Variants in CD58 observed in about 807,000 individuals in gnomAD.
The protein encoded by CD58 is CD58 molecule.
In CD58, 14 loss-of-function variants were observed where a neutral mutation model predicts 27.6. That is an observed-to-expected ratio of 0.51 (90% CI 0.34 to 0.79). The LOEUF (loss-of-function observed/expected upper bound fraction) is 0.79. CD58 is among the 30% of genes least tolerant of loss of function. The pLI is 0.02. For synonymous variants in CD58, 117 were observed against 103.8 expected (o/e 1.13, Z -0.77); for missense variants, 268 against 301.7 (o/e 0.89, Z 0.83).
At chr1:116,526,640 G>A (rs1486602023) in intron 3 of CD58, among the ~76,000 whole-genome samples, 1 of 152,018 alleles carries the variant, frequency 6.6e-6, no homozygotes, top group Admixed American at 6.6e-5. Context: ...CTACAATTTT[G>A]TTCTCCTTCA....
chr1:116,555,497 C>T lies in CD58; in HGVS notation c.71-10893G>A, dbSNP rs1268469318. Among the ~76,000 whole-genome samples the T allele has an allele frequency of 5.3e-5, 8 of 152,090 alleles. No homozygotes were observed. The South Asian group carries it at 8.3e-4, about 16-fold the overall frequency. ...GGAGGGAAAAAATTTTATCAGTGAT[C>T]GCCTAAAAAGATTTTCTATGCTAGC... On this transcript the variant is annotated intron_variant, in intron 1 of 5. Coordinates refer to ENST00000369489, the MANE Select transcript of CD58 (RefSeq NM_001779.3).
In CD58 at chr1:116,532,294, GATAA is replaced by G. The variant is rs1016369535; in HGVS notation, c.628+3667_628+3670del. Among the ~76,000 whole-genome samples, 2 of 152,166 alleles carry G rather than the reference GATAA, an allele frequency of 1.3e-5. No individual in the cohort carries two copies. The highest frequency in any genetic ancestry group is 2.4e-5 in the African/African-American group (1 of 41,428). ...GCCGCAGTCCTCACAGGCAAGAAGG[GATAA>G]ATAAATATGAGGTGACCCGTGGCAG... On this transcript the variant is annotated intron_variant, in intron 3 of 5. Coordinates refer to ENST00000369489, the MANE Select transcript of CD58 (RefSeq NM_001779.3). This position sits in a 1 kb window ranked among gnomAD's most constrained non-coding sequence, Gnocchi z 5.1.
At position 116,533,857 on chromosome 1, in the gene CD58, T is replaced by G. The variant is rs1174686101; in HGVS notation, c.628+2108A>C. Reference sequence around the variant, plus strand: ...TTCTTCATAGAACTTGGCTTCTATATGAGCGCATCTCACCTGAATTTGTTT... The same window carrying G: ...TTCTTCATAGAACTTGGCTTCTATAGGAGCGCATCTCACCTGAATTTGTTT... On this transcript the variant is annotated intron_variant, in intron 3 of 5. Coordinates refer to ENST00000369489, the MANE Select transcript of CD58 (RefSeq NM_001779.3). 3 of 905,204 alleles carry G rather than the reference T, an allele frequency of 3.3e-6. No individual in the cohort carries two copies. In the East Asian group the frequency reaches 7.5e-5, roughly 23 times the overall value. 56.1% of individuals were successfully genotyped at this position (905,204 alleles called of 1,614,324 possible).
Position 116,552,431 on chromosome 1 carries a change from A to C in CD58, c.71-7827T>G, listed in dbSNP as rs1244063499. 6.6e-6 allele frequency among the ~76,000 whole-genome samples: 1 copy of C among 152,272 alleles called. No individual in the cohort carries two copies. Among genetic ancestry groups the C allele is most frequent in the Non-Finnish European group, 1.5e-5 (1 of 68,042 alleles). ...AATTACTAAAATGTAACAGAGAGAC[A>C]AAACATAAAGTTAGGCACTGATGGA... On this transcript the variant is annotated intron_variant, in intron 1 of 5. Coordinates refer to ENST00000369489, the MANE Select transcript of CD58 (RefSeq NM_001779.3). The surrounding 1 kb of genome is among the most constrained non-coding windows in gnomAD (Gnocchi z 4.5).
At position 116,519,267 on chromosome 1, in the gene CD58, C is replaced by T. The variant is rs1470558189; in HGVS notation, c.707G>A (p.Gly236Asp). 7 of 1,610,834 alleles carry T rather than the reference C, an allele frequency of 4.3e-6. No homozygotes were observed. The highest frequency in any genetic ancestry group is 5.9e-6 in the Non-Finnish European group (7 of 1,178,170). Reference sequence around the variant, plus strand: ...TGGTTTTCTGTCACATTTCAGAATACCTAAAAATGAAGAAATTGTCTTCTC... The same window carrying T: ...TGGTTTTCTGTCACATTTCAGAATATCTAAAAATGAAGAAATTGTCTTCTC... ...ITTCIVLYMNGILKCDRKPDR... is the reference protein window; with the variant it reads ...ITTCIVLYMNDILKCDRKPDR... Residue 236 changes from glycine (G) to aspartate (D), a missense_variant and splice_region_variant, in exon 5 of 6, where the codon GGT (glycine) becomes GAT (aspartate). Transcript: ENST00000369489. This position sits in a 1 kb window ranked among gnomAD's most constrained non-coding sequence, Gnocchi z 4.7.
rs871494 is a variant in CD58, at chr1:116,515,430, C to T, written c.744-608G>A. 0.025 allele frequency among the ~76,000 whole-genome samples: 3,824 copies of T among 152,300 alleles called. 158 individuals carry two copies. Among genetic ancestry groups the T allele is most frequent in the African/African-American group, 0.083 (3,467 of 41,560 alleles). On this transcript the variant is annotated intron_variant, in intron 5 of 5. Transcript: ENST00000369489. The surrounding 1 kb of genome is among the most constrained non-coding windows in gnomAD (Gnocchi z 4.6). ...TTGTATCTCATTGGTAACAAGAATT[C>T]ATGAGAAATTAGTGCTGTGGTCACA...
intron 2 of CD58, among the ~76,000 whole-genome samples, chr1:116,539,840 T>C (rs959833894): frequency 1.3e-5 from 2 of 152,238 alleles, no homozygotes; most frequent in Non-Finnish European, 2.9e-5. Flanking sequence ...ATACCTCTAC[T>C]TTAAGCAGCA....
chr1:116,548,186 T>A (rs920825937), intron 1 of CD58, among the ~76,000 whole-genome samples: 1 of 152,248 alleles, frequency 6.6e-6, no homozygotes, highest in African/African-American at 2.4e-5. Context: ...GACTTCCTTA[T>A]AGATTCTGGA....
chr1:116,518,913 T>C, intron 5 of CD58: 1 of 1,064,058 alleles, frequency 9.4e-7, no homozygotes, highest in Non-Finnish European at 1.2e-6. Context: ...AGCCCATCAC[T>C]TACTAGCAAC....
intron 2 of CD58, among the ~76,000 whole-genome samples, chr1:116,537,803 C>T (rs147431746): frequency 2.6e-4 from 39 of 152,182 alleles, no homozygotes; most frequent in African/African-American, 9.4e-4. Context: ...AGGAAACATG[C>T]AAAAACATAT....
In CD58 at chr1:116,536,906, G is replaced by A. The variant is rs1571070104; in HGVS notation, c.365-678C>T. Among the ~76,000 whole-genome samples, 2 of 152,272 alleles carry A rather than the reference G, an allele frequency of 1.3e-5. No individual in the cohort carries two copies. Among genetic ancestry groups the A allele is most frequent in the East Asian group, 3.9e-4 (2 of 5,184 alleles). ...CCTGACCTGACCTGAATTAACACAA[G>A]GATTTGAGTCTTTCTCACTCACTTC... On this transcript the variant is annotated intron_variant, in intron 2 of 5. Coordinates refer to ENST00000369489, the MANE Select transcript of CD58 (RefSeq NM_001779.3). This position sits in a 1 kb window ranked among gnomAD's most constrained non-coding sequence, Gnocchi z 5.4.
chr1:116,560,512 C>T (rs1658719538), intron 1 of CD58, among the ~76,000 whole-genome samples: 1 of 152,156 alleles, frequency 6.6e-6, no homozygotes, highest in African/African-American at 2.4e-5. Flanking sequence ...ATGGCACAGC[C>T]TCATTAGTTT....
rs1445897156 is a variant in CD58 at position 116,522,351 on chromosome 1, G to T, written c.629-368C>A. The stretch of plus-strand genomic sequence containing the variant: ...GTATAGTGTTGAAGGGCTGACAAGA[G>T]TTCCTAAGTGCAAGAAGGCTGCGAT... On this transcript the variant is annotated intron_variant, in intron 3 of 5. Coordinates refer to ENST00000369489, the MANE Select transcript of CD58 (RefSeq NM_001779.3). This position sits in a 1 kb window ranked among gnomAD's most constrained non-coding sequence, Gnocchi z 4.6. Among the ~76,000 whole-genome samples, 1 of 152,190 alleles carries T rather than the reference G, an allele frequency of 6.6e-6. No individual in the cohort carries two copies. Among genetic ancestry groups the T allele is most frequent in the African/African-American group, 2.4e-5 (1 of 41,448 alleles).
Position 116,544,249 on chromosome 1 carries a change from G to A in CD58, c.364+62C>T, listed in dbSNP as rs963144817. 4.8e-5 allele frequency: 57 copies of A among 1,179,354 alleles called. No homozygotes were observed. In the Admixed American group the frequency reaches 5.3e-4, roughly 11 times the overall value. 73.1% of individuals were successfully genotyped at this position (1,179,354 alleles called of 1,614,324 possible). ...AGACCATTAATTTGTGCTAGTCTCT[G>A]AAAACAGACTAAAAAAATGGAAATT... On this transcript the variant is annotated intron_variant, in intron 2 of 5. Transcript: ENST00000369489.
At chr1:116,518,479 A>C (rs1657156559) in intron 5 of CD58, among the ~76,000 whole-genome samples, 1 of 152,142 alleles carries the variant, frequency 6.6e-6, no homozygotes, top group South Asian at 2.1e-4. Flanking sequence ...AATGACCCAA[A>C]GCCTCTCTCA....
chr1:116,544,978 T>A (rs1406276475), intron 1 of CD58, among the ~76,000 whole-genome samples: 3 of 152,164 alleles, frequency 2.0e-5, no homozygotes, highest in African/African-American at 7.2e-5. Context: ...GGAACTGACA[T>A]AACGTGCAAA....
At chr1:116,551,169 A>C (rs911479862) in intron 1 of CD58, among the ~76,000 whole-genome samples, 4 of 152,218 alleles carry the variant, frequency 2.6e-5, no homozygotes, top group Non-Finnish European at 4.4e-5. Context: ...ATTAGCCCAC[A>C]CAACAAGAGA....
chr1:116,533,948 G>A (rs956349771), intron 3 of CD58: 2 of 1,425,238 alleles, frequency 1.4e-6, no homozygotes. Context: ...GGGGTGTGAG[G>A]GGCATTGTCA....
Position 116,535,674 on chromosome 1 carries a change from T to C in CD58, c.628+291A>G, listed in dbSNP as rs979044132. Reference sequence around the variant, plus strand: ...GGCTAACACGGTGAAACCCCGTCTCTACTAAAAATACAAAAAATTAGCCGG... The same window carrying C: ...GGCTAACACGGTGAAACCCCGTCTCCACTAAAAATACAAAAAATTAGCCGG... On this transcript the variant is annotated intron_variant, in intron 3 of 5. Transcript: ENST00000369489. 2.3e-5 allele frequency among the ~76,000 whole-genome samples: 3 copies of C among 130,216 alleles called. 1 individual carries two copies. The highest frequency in any genetic ancestry group is 6.3e-5 in the African/African-American group (2 of 31,634). 85.4% of individuals were successfully genotyped at this position (130,216 alleles called of 152,430 possible). A position where few individuals can be genotyped will look rare whatever the true frequency, so the allele number is the denominator to read the frequency against.
Sources: gnomAD v4.1 joint callset for allele counts (sites outside exome capture counted in the v4.1 genomes callset) on GRCh38, gnomAD v4.1.1 for gene constraint, Gnocchi (gnomAD v3.1) non-coding constraint, MANE v1.5 for transcripts, NCBI Gene and HGNC (gene_info 2026-07-23, HGNC 2026-07-21) for gene names.